Variants in GFOD1 observed in about 807,000 individuals in gnomAD.
The protein encoded by GFOD1 is glucose-fructose oxidoreductase domain-containing protein 1.
A neutral mutation model predicts 25.4 loss-of-function variants in GFOD1; 9 were observed. The observed-to-expected ratio is 0.35, with a 90% CI of 0.21 to 0.62. The LOEUF (loss-of-function observed/expected upper bound fraction) is 0.62. Ranked by LOEUF, GFOD1 falls within the 20% of genes least tolerant of loss-of-function variation. The pLI is 0.72. For synonymous variants in GFOD1, 253 were observed against 245.6 expected (o/e 1.03, Z -0.28); for missense variants, 403 against 556.9 (o/e 0.72, Z 2.78).
chr6:13,475,537 G>A lies in GFOD1; in HGVS notation c.253+11101C>T, dbSNP rs1442136666. ...AGCCTGACCAACATGGTGAAACCCC[G>A]TCTCTACTAAAAATACAAAAAAAAA... On this transcript the variant is annotated intron_variant, in intron 1 of 1. Transcript: ENST00000379287. 4.9e-4 allele frequency among the ~76,000 whole-genome samples: 73 copies of A among 148,896 alleles called. 1 individual carries two copies. Among genetic ancestry groups the A allele is most frequent in the African/African-American group, 1.5e-3 (59 of 40,210 alleles).
intron 1 of GFOD1, among the ~76,000 whole-genome samples, chr6:13,417,241 C>T (rs1786177711): frequency 6.6e-6 from 1 of 152,208 alleles, no homozygotes; most frequent in African/African-American, 2.4e-5. Flanking sequence ...GCAAGCTCCG[C>T]TTCCCGGGTT....
intron 1 of GFOD1, among the ~76,000 whole-genome samples, chr6:13,480,661 T>C (rs925660421): frequency 2.2e-4 from 34 of 152,300 alleles, no homozygotes; most frequent in East Asian, 1.9e-4. Context: ...TGCACCATCA[T>C]GCCTGGCTAG....
chr6:13,436,387 A>G (rs9357728), intron 1 of GFOD1, among the ~76,000 whole-genome samples: 113,077 of 152,196 alleles, frequency 0.74, 47,222 homozygotes, highest in East Asian at 0.93. Context: ...AAAGTTTCTT[A>G]TATATTCTCC....
intron 1 of GFOD1, among the ~76,000 whole-genome samples, chr6:13,393,073 G>C (rs887061409): frequency 6.6e-6 from 1 of 151,716 alleles, no homozygotes; most frequent in Non-Finnish European, 1.5e-5. Context: ...AGAAGAAAAA[G>C]GGCTGGGTGT....
Position 13,360,586 on chromosome 6 carries a change from A to G in GFOD1, c.*4157T>C, listed in dbSNP as rs1162907510. On this transcript the variant is annotated 3_prime_UTR_variant, in exon 2 of 2. Transcript: ENST00000379287. ...AATCCCCAGCCCTGAGGCTTGCTGC[A>G]TCACCTACAATCAAAATGAACATAG... 3 of 411,850 alleles carry G rather than the reference A, an allele frequency of 7.3e-6. No individual in the cohort carries two copies. The highest frequency in any genetic ancestry group is 3.5e-5 in the South Asian group (2 of 57,734). 25.5% of individuals were successfully genotyped at this position (411,850 alleles called of 1,614,324 possible).
rs144880953 is a variant in GFOD1 at position 13,486,843 on chromosome 6, G to T, written c.48C>A (p.Val16=). 67 of 1,613,166 alleles carry T rather than the reference G, an allele frequency of 4.2e-5. No individual in the cohort carries two copies. The African/African-American group carries it at 8.5e-4, about 21-fold the overall frequency. The change falls in exon 1 of 2, where the codon GTC becomes GTA. Residue 16 remains valine, a synonymous_variant. Transcript: ENST00000379287. ...GVFGTSLTAR[V]IIPLLKDEGF... Reference sequence around the variant, plus strand: ...CCTCGTCTTTCAGCAGCGGGATGATGACACGGGCCGTGAGGCTGGTGCCGA... The same window carrying T: ...CCTCGTCTTTCAGCAGCGGGATGATTACACGGGCCGTGAGGCTGGTGCCGA...
intron 1 of GFOD1, among the ~76,000 whole-genome samples, chr6:13,455,437 G>A (rs924351992): frequency 2.0e-5 from 3 of 152,202 alleles, no homozygotes; most frequent in African/African-American, 7.2e-5. Context: ...CTTGTCATTG[G>A]TTTGAATTGA....
intron 1 of GFOD1, among the ~76,000 whole-genome samples, chr6:13,478,468 A>G (rs1758677002): frequency 6.6e-6 from 1 of 152,202 alleles, no homozygotes; most frequent in South Asian, 2.1e-4. Flanking sequence ...AACTTCCACC[A>G]TCTAGATTCT....
chr6:13,479,753 T>C (rs1758706903), intron 1 of GFOD1, among the ~76,000 whole-genome samples: 1 of 152,232 alleles, frequency 6.6e-6, no homozygotes, highest in South Asian at 2.1e-4. Context: ...TGAAATGAGA[T>C]TGGTGATGCT....
chr6:13,431,592 C>T (rs976496236), intron 1 of GFOD1, among the ~76,000 whole-genome samples: 1 of 152,196 alleles, frequency 6.6e-6, no homozygotes, highest in African/African-American at 2.4e-5. Context: ...AGCTTGGTGG[C>T]ACTTTTCTAA....
intron 1 of GFOD1, among the ~76,000 whole-genome samples, chr6:13,390,759 GAA>G (rs1349626653): frequency 2.1e-5 from 2 of 93,840 alleles, no homozygotes; most frequent in African/African-American, 5.8e-5. Flanking sequence ...AAGAGAGAGA[GAA>G]AGAGAGAGAG....
chr6:13,370,902 A>T lies in GFOD1; in HGVS notation c.254-5240T>A, dbSNP rs190508626. ...CTGGGATTTCTCCCGAAGAAAGCAC[A>T]CAGGTACCTGTTCTGCAAACTGCCT... On this transcript the variant is annotated intron_variant, in intron 1 of 1. Coordinates refer to ENST00000379287, the MANE Select transcript of GFOD1 (RefSeq NM_018988.4). Among the ~76,000 whole-genome samples, 336 of 152,312 alleles carry T rather than the reference A, an allele frequency of 2.2e-3. 2 individuals are homozygous for T. The highest frequency in any genetic ancestry group is 7.6e-3 in the African/African-American group (317 of 41,570).
chr6:13,361,631 T>G lies in GFOD1; in HGVS notation c.*3112A>C, dbSNP rs972484360. 1 of 152,220 alleles carries G rather than the reference T, an allele frequency of 6.6e-6. No homozygotes were observed. Among genetic ancestry groups the G allele is most frequent in the Non-Finnish European group, 1.5e-5 (1 of 68,052 alleles). 9.4% of individuals were successfully genotyped at this position (152,220 alleles called of 1,614,324 possible). ...TCATATAGCTACCCCAAATCAAGTC[T>G]TTGCATGTGGTGGGATAAGGGCAAA... On this transcript the variant is annotated 3_prime_UTR_variant, in exon 2 of 2. Transcript: ENST00000379287.
rs1757720760 is a variant in GFOD1 at position 13,430,011 on chromosome 6, T to G, written c.253+56627A>C. On this transcript the variant is annotated intron_variant, in intron 1 of 1. Transcript: ENST00000379287. The surrounding 1 kb of genome is among the most constrained non-coding windows in gnomAD (Gnocchi z 4.1). ...GAAATATATGTCCTTCCCCTTGAAT[T>G]TGGATGGATCTTTGGGACCAGCTTA... Among the ~76,000 whole-genome samples the G allele has an allele frequency of 6.6e-6, 1 of 152,184 alleles. No homozygotes were observed. The highest frequency in any genetic ancestry group is 1.5e-5 in the Non-Finnish European group (1 of 68,032).
intron 1 of GFOD1, among the ~76,000 whole-genome samples, chr6:13,476,680 T>A (rs185055125): frequency 6.6e-6 from 1 of 152,218 alleles, no homozygotes; most frequent in Non-Finnish European, 1.5e-5. Flanking sequence ...ATTTATAGTT[T>A]CAGTTTAAGG....
intron 1 of GFOD1, among the ~76,000 whole-genome samples, chr6:13,449,416 G>A (rs1236339589): frequency 2.0e-5 from 3 of 152,136 alleles, no homozygotes; most frequent in African/African-American, 7.2e-5. Context: ...TGAAGGGTGC[G>A]AAAACTCTGC....
intron 1 of GFOD1, among the ~76,000 whole-genome samples, chr6:13,485,212 G>A (rs1350847228): frequency 6.6e-6 from 1 of 152,204 alleles, no homozygotes; most frequent in Non-Finnish European, 1.5e-5. Context: ...TGAGTCAATA[G>A]CCAAATGGCC....
chr6:13,449,726 TG>T (rs1222231089), intron 1 of GFOD1, among the ~76,000 whole-genome samples: 1 of 152,254 alleles, frequency 6.6e-6, no homozygotes, highest in Non-Finnish European at 1.5e-5. Flanking sequence ...CATTCTCTTT[TG>T]CCTGCCACCA....
chr6:13,411,271 CACAAAGACATCGGCTGTCTAT>C (rs1034449749), intron 1 of GFOD1, among the ~76,000 whole-genome samples: 1 of 152,168 alleles, frequency 6.6e-6, no homozygotes, highest in Non-Finnish European at 1.5e-5. Context: ...AGTGAGGATC[CACAAAGACATCGGCTGTCTAT>C]TTTCTTTTCT....
Sources: allele counts gnomAD v4.1 joint callset (sites outside exome capture counted in the v4.1 genomes callset), GRCh38; gene constraint gnomAD v4.1.1; non-coding constraint Gnocchi (gnomAD v3.1); transcripts MANE v1.5; gene names NCBI Gene and HGNC (gene_info 2026-07-23, HGNC 2026-07-21).